Variants in NOX5 observed in about 807,000 individuals in gnomAD.
The protein encoded by NOX5 is NADPH oxidase, EF-hand calcium binding domain 5.
NOX5 carries 76 observed loss-of-function variants against 85.7 expected under a neutral mutation model. The ratio of observed to expected loss-of-function variants is 0.89; its 90% CI spans 0.74 to 1.07. The LOEUF (loss-of-function observed/expected upper bound fraction) is 1.07, where lower values mean the gene tolerates loss of function less well. Ranked by LOEUF, NOX5 falls within the 50% of genes least tolerant of loss-of-function variation. The probability of loss-of-function intolerance (pLI) is 0.00; values close to 1 mark genes in which losing one functional copy is unlikely to be tolerated. For synonymous variants in NOX5, 405 were observed against 401.4 expected, an observed-to-expected ratio of 1.01 and a Z score of -0.11; for missense variants, 973 against 999.5, an observed-to-expected ratio of 0.97 and a Z score of 0.36.
At chr15:69,036,458 G>T (rs2050517660) in intron 7 of NOX5, among the ~76,000 whole-genome samples, 1 of 152,176 alleles carries the variant, frequency 6.6e-6, no homozygotes, top group South Asian at 2.1e-4. Flanking sequence ...AGTCACAGAG[G>T]ACTTGGTTTG....
At chr15:69,042,618 G>C in intron 9 of NOX5, 45 bp from the exon 10 acceptor site, 1 of 1,585,176 alleles carries the variant, frequency 6.3e-7, no homozygotes, top group Non-Finnish European at 8.6e-7. Context: ...CCCTGGTGCC[G>C]GTCACTATGG....
chr15:69,042,790 T>A lies in NOX5; in HGVS notation c.1632T>A (p.Ser544Arg), dbSNP rs1369657794. 1 of 1,613,288 alleles carries A rather than the reference T, an allele frequency of 6.2e-7. No individual in the cohort carries two copies. Among genetic ancestry groups the A allele is most frequent in the Non-Finnish European group, 8.5e-7 (1 of 1,179,794 alleles). ...CGAGGAGTGTGACAATGAGAAAGAG[T>A]CAAAGGTCGTCCAAGGTAGGTGGCT... ...RLSRSVTMRK[S>R]QRSSKGSEIL... Residue 544 changes from serine (S) to arginine (R), a missense_variant, in exon 10 of 16, where the codon AGT becomes AGA. Transcript: ENST00000388866.
intron 4 of NOX5, among the ~76,000 whole-genome samples, chr15:69,032,741 A>C (rs186092791): frequency 6.6e-6 from 1 of 152,326 alleles, no homozygotes; most frequent in Admixed American, 6.5e-5. Flanking sequence ...CTTGGGGCTT[A>C]CTTACCAAAA....
At chr15:69,028,970 T>G (rs1313651851) in intron 3 of NOX5, 1 of 152,226 alleles carries the variant, frequency 6.6e-6, no homozygotes, top group Non-Finnish European at 1.5e-5. Context: ...ACAGTGTCAT[T>G]TTTATTGTGG....
At chr15:69,049,519 G>A (rs1413371933) in intron 14 of NOX5, among the ~76,000 whole-genome samples, 3 of 152,096 alleles carry the variant, frequency 2.0e-5, no homozygotes, top group African/African-American at 7.2e-5. Context: ...GGAAAAAAAA[G>A]CCCTCATAAT....
At chr15:69,047,304 T>C (rs2050686058) in intron 11 of NOX5, 109 bp from the exon 12 acceptor site, 1 of 1,384,416 alleles carries the variant, frequency 7.2e-7, no homozygotes, top group Admixed American at 2.6e-5. Flanking sequence ...GCCCAGGAGA[T>C]GTCTTTCTAT....
At chr15:69,041,981 G>A (rs2050600348) in intron 9 of NOX5, among the ~76,000 whole-genome samples, 1 of 151,474 alleles carries the variant, frequency 6.6e-6, no homozygotes, top group African/African-American at 2.4e-5. Flanking sequence ...CAAAAGATTG[G>A]CCATCCCTGC....
intron 14 of NOX5, 136 bp downstream of exon 14, chr15:69,049,194 T>G (rs2140278472): frequency 5.4e-6 from 1 of 185,390 alleles, no homozygotes; most frequent in African/African-American, 2.5e-5. Context: ...CCCAGAGTCT[T>G]TTTTTTTTTT....
At chr15:69,046,949 G>C (rs1595787306) in intron 11 of NOX5, 83 bp downstream of exon 11, 1 of 1,456,466 alleles carries the variant, frequency 6.9e-7, no homozygotes, top group East Asian at 2.3e-5. Context: ...AGGAGGGGCT[G>C]TTGTGGTTGT....
At chr15:69,020,750 T>C (rs1044580266) in intron 1 of NOX5, among the ~76,000 whole-genome samples, 4 of 152,114 alleles carry the variant, frequency 2.6e-5, no homozygotes, top group South Asian at 4.1e-4. Flanking sequence ...TATTTGGAGA[T>C]TGAATTTAAT....
At chr15:69,048,179 G>C (rs1189113030) in intron 13 of NOX5, among the ~76,000 whole-genome samples, 1 of 152,260 alleles carries the variant, frequency 6.6e-6, no homozygotes, top group Non-Finnish European at 1.5e-5. Context: ...CAGCTAGGCA[G>C]TCTGGATTCA....
chr15:69,019,370 C>T (rs995702453), intron 1 of NOX5, among the ~76,000 whole-genome samples: 1 of 152,180 alleles, frequency 6.6e-6, no homozygotes, highest in African/African-American at 2.4e-5. Flanking sequence ...TTGACTCTAT[C>T]AATGTCAGTA....
In NOX5 at chr15:69,028,219, T is replaced by C. The variant is rs774121245; in HGVS notation, c.179T>C (p.Phe60Ser). 3 of 1,601,762 alleles carry C rather than the reference T, an allele frequency of 1.9e-6. No individual in the cohort carries two copies. Among genetic ancestry groups the C allele is most frequent in the Non-Finnish European group, 2.6e-6 (3 of 1,174,074 alleles). ...FKAALHVKES[F>S]FAERFFALFD... ...TTCCACCCTTCTCGCCCACAGTCCT[T>C]CTTTGCAGAGCGATTCTTTGCCCTA... Residue 60 changes from phenylalanine to serine, a missense_variant, in exon 3 of 16, where the codon TTC becomes TCC. Phe to Ser is a radical substitution (Grantham distance 155). Coordinates refer to ENST00000388866, the MANE Select transcript of NOX5 (RefSeq NM_024505.4).
At chr15:69,049,420 T>A (rs2140278728) in intron 14 of NOX5, among the ~76,000 whole-genome samples, 1 of 151,988 alleles carries the variant, frequency 6.6e-6, no homozygotes, top group Non-Finnish European at 1.5e-5. Flanking sequence ...AGAGTCTTTT[T>A]AAGAGGTGTT....
At chr15:69,039,131 G>A in intron 9 of NOX5, 142 bp downstream of exon 9, 1 of 935,946 alleles carries the variant, frequency 1.1e-6, no homozygotes, top group Non-Finnish European at 1.6e-6. Flanking sequence ...TTTGAAGTGG[G>A]AGCAGGCATG....
At chr15:69,037,494 G>A in intron 8 of NOX5, 1 of 403,060 alleles carries the variant, frequency 2.5e-6, no homozygotes, top group South Asian at 3.3e-5. Flanking sequence ...TGCCTACAGG[G>A]TGCCAGGCCC....
At chr15:69,036,187 T>G (rs554878671) in intron 7 of NOX5, among the ~76,000 whole-genome samples, 25 of 152,146 alleles carry the variant, frequency 1.6e-4, no homozygotes, top group Non-Finnish European at 3.5e-4. Flanking sequence ...TTGGATTAAG[T>G]TGGGCTTAAA....
At position 69,033,082 on chromosome 15, in the gene NOX5, C is replaced by A; in HGVS notation, c.660C>A (p.Arg220=). The change falls in exon 5 of 16, where the codon CGC becomes CGA. Residue 220 remains arginine, a synonymous_variant. Coordinates refer to ENST00000388866, the MANE Select transcript of NOX5 (RefSeq NM_024505.4). Reference sequence around the variant, plus strand: ...TGACGGCCCCCGCCCCCCGCCCACGCCCGCGCCGGCCGCGCCAGCTGACCC... The same window carrying A: ...TGACGGCCCCCGCCCCCCGCCCACGACCGCGCCGGCCGCGCCAGCTGACCC... ...HWLTAPAPRP[R]PRRPRQLTRA... The A allele has an allele frequency of 4.5e-6, 7 of 1,558,492 alleles. No homozygotes were observed. The highest frequency in any genetic ancestry group is 6.0e-6 in the Non-Finnish European group (7 of 1,161,068).
At position 69,018,796 on chromosome 15, in the gene NOX5, A is replaced by G. The variant is rs142862382; in HGVS notation, c.50+4011A>G. On this transcript the variant is annotated intron_variant, in intron 1 of 15. Coordinates refer to ENST00000388866, the MANE Select transcript of NOX5 (RefSeq NM_024505.4). ...GGAGCCACATCCCGGGCCAGAGCTC[A>G]CTGATGGCACAGGATTAAAGGTCAG... 1.5e-3 allele frequency among the ~76,000 whole-genome samples: 227 copies of G among 152,304 alleles called. 3 individuals carry two copies. The highest frequency in any genetic ancestry group is 5.2e-3 in the African/African-American group (218 of 41,562).
Sources: allele counts gnomAD v4.1 joint callset (sites outside exome capture counted in the v4.1 genomes callset), GRCh38; gene constraint gnomAD v4.1.1; transcripts MANE v1.5; gene names NCBI Gene and HGNC (gene_info 2026-07-23, HGNC 2026-07-21).